Variants in CHD2 observed in about 807,000 individuals in gnomAD.
CHD2 encodes the protein chromodomain helicase DNA binding protein 2, also known as ATP-dependent chromatin remodeler CHD2.
CHD2 carries 28 observed loss-of-function variants against 243.9 expected under a neutral mutation model. The observed-to-expected ratio is 0.11, with a 90% CI of 0.09 to 0.16. CHD2 has a LOEUF of 0.16. CHD2 is among the 10% of genes least tolerant of loss of function. The pLI, the probability that CHD2 is intolerant of heterozygous loss-of-function variation, is 1.00. For synonymous variants in CHD2, 775 were observed against 779.0 expected (o/e 0.99, Z 0.09); for missense variants, 1,386 against 2,209.8 (o/e 0.63, Z 7.47).
chr15:92,928,950 T>C, intron 4 of CHD2, 80 bp from the exon 5 acceptor site: 1 of 1,341,690 alleles, frequency 7.5e-7, no homozygotes, highest in Non-Finnish European at 1.0e-6. Context: ...TTGAGTAGAC[T>C]GTTGATCCAG....
intron 3 of CHD2, among the ~76,000 whole-genome samples, chr15:92,927,034 G>T (rs1385542918): frequency 6.6e-6 from 1 of 152,028 alleles, no homozygotes; most frequent in Admixed American, 6.6e-5. Flanking sequence ...ATTTATAGCT[G>T]TTAAGTAATG....
intron 17 of CHD2, 48 bp downstream of exon 17, chr15:92,967,561 T>G (rs746767806): frequency 5.6e-6 from 8 of 1,434,632 alleles, no homozygotes; most frequent in Non-Finnish European, 6.7e-6. Flanking sequence ...ATCAGTACCA[T>G]GAAACTATTA....
intron 5 of CHD2, among the ~76,000 whole-genome samples, chr15:92,930,581 A>G (rs752012710): frequency 2.0e-5 from 3 of 152,032 alleles, no homozygotes; most frequent in Non-Finnish European, 2.9e-5. Context: ...GGCATGTGCT[A>G]TCATGCCCAG....
At chr15:92,985,803 G>C (rs1401809018) in intron 26 of CHD2, 130 bp downstream of exon 26, 26 of 841,914 alleles carry the variant, frequency 3.1e-5, no homozygotes, top group Non-Finnish European at 7.0e-6. Flanking sequence ...AGAGAAGCTG[G>C]GTCCTGTCCC....
At chr15:92,935,737 TC>T (rs1368896256) in intron 5 of CHD2, among the ~76,000 whole-genome samples, 1 of 152,164 alleles carries the variant, frequency 6.6e-6, no homozygotes, top group Non-Finnish European at 1.5e-5. Flanking sequence ...CACCTTATAT[TC>T]CTTGGATTCT....
intron 19 of CHD2, among the ~76,000 whole-genome samples, chr15:92,973,038 G>C (rs971888761): frequency 1.5e-4 from 23 of 152,302 alleles, no homozygotes; most frequent in African/African-American, 5.3e-4. Context: ...GCATGTGTAT[G>C]GTGAAAGTAG....
chr15:92,979,309 AG>A, intron 22 of CHD2, 26 bp downstream of exon 22: 1 of 1,609,698 alleles, frequency 6.2e-7, no homozygotes, highest in Non-Finnish European at 8.5e-7. Flanking sequence ...ATTGGGAGGT[AG>A]GCAGAATCAA....
chr15:92,937,591 A>C lies in CHD2; in HGVS notation c.517A>C (p.Lys173Gln), dbSNP rs751125152. ...GTSAESEPEQ[K>Q]KVKARRPVPR... The stretch of plus-strand genomic sequence containing the variant: ...CAGTGCAGAGAGTGAGCCAGAACAA[A>C]AAAAAGTAAAAGCCAGAAGACCTGT... Residue 173 changes from lysine (K) to glutamine (Q), a missense_variant, in exon 6 of 39, where the codon AAA becomes CAA. By Grantham distance (53) the Lys-to-Gln change is moderately conservative (BLOSUM62 1). Coordinates refer to ENST00000394196, the MANE Select transcript of CHD2 (RefSeq NM_001271.4). 19 of 1,613,880 alleles carry C rather than the reference A, an allele frequency of 1.2e-5. No individual in the cohort carries two copies. Among genetic ancestry groups the C allele is most frequent in the Non-Finnish European group, 1.6e-5 (19 of 1,179,866 alleles).
At chr15:93,018,885 T>C (rs2054495341) in intron 37 of CHD2, among the ~76,000 whole-genome samples, 1 of 152,234 alleles carries the variant, frequency 6.6e-6, no homozygotes, top group African/African-American at 2.4e-5. Flanking sequence ...GATTTTTAAC[T>C]TAATTACATC....
At chr15:93,020,506 G>A (rs2054521508) in intron 38 of CHD2, 2 of 603,440 alleles carry the variant, frequency 3.3e-6, no homozygotes, top group Admixed American at 3.0e-5. Flanking sequence ...CTAGTGAAGA[G>A]GTCGCCATAA....
At chr15:92,914,251 C>G (rs547556857) in intron 2 of CHD2, among the ~76,000 whole-genome samples, 1 of 152,158 alleles carries the variant, frequency 6.6e-6, no homozygotes, top group African/African-American at 2.4e-5. Context: ...GGGAGAACTC[C>G]CCTTGTAACT....
intron 28 of CHD2, 28 bp from the exon 29 acceptor site, chr15:92,996,929 T>C: frequency 6.3e-7 from 1 of 1,589,106 alleles, no homozygotes. Flanking sequence ...GATTTTCATT[T>C]AACTAATGTG....
intron 31 of CHD2, among the ~76,000 whole-genome samples, chr15:93,000,130 C>T (rs2054235210): frequency 6.6e-6 from 1 of 152,034 alleles, no homozygotes; most frequent in African/African-American, 2.4e-5. Flanking sequence ...GTGGTGGTGG[C>T]ATGTGCTTGT....
Position 92,984,365 on chromosome 15 carries a change from G to T in CHD2, c.3102G>T (p.Glu1034Asp). The T allele has an allele frequency of 6.2e-7, 1 of 1,602,546 alleles. No homozygotes were observed. Among genetic ancestry groups the T allele is most frequent in the East Asian group, 2.2e-5 (1 of 44,528 alleles). ...ANFATMEDEE[E>D]LEERPHKDWD... Reference sequence around the variant, plus strand: ...TTGCAACAATGGAAGATGAAGAAGAGCTAGAAGAGCGTCCTCACAAGGACT... The same window carrying T: ...TTGCAACAATGGAAGATGAAGAAGATCTAGAAGAGCGTCCTCACAAGGACT... The change falls in exon 25 of 39, where the codon GAG (glutamate) becomes GAT (aspartate). Residue 1034 changes from glutamate to aspartate, a missense_variant. Glu to Asp is a conservative substitution (Grantham distance 45). Around this residue, in one of 19 missense-constraint regions of CHD2, gnomAD observed 99 missense variants for 206.4 expected, o/e 0.48. Transcript: ENST00000394196.
In CHD2 at chr15:92,922,272, G is replaced by A. The variant is rs957292035; in HGVS notation, c.63-2049G>A. Among the ~76,000 whole-genome samples the A allele has an allele frequency of 5.3e-5, 8 of 152,004 alleles. No individual in the cohort carries two copies. The South Asian group carries it at 1.0e-3, about 20-fold the overall frequency. ...TACATAAAAGAGGTCAGTTTTTTTC[G>A]TCATTCATATGGTGATAATAATGCC... On this transcript the variant is annotated intron_variant, in intron 2 of 38. Coordinates refer to ENST00000394196, the MANE Select transcript of CHD2 (RefSeq NM_001271.4).
At chr15:92,935,066 C>T (rs1358670082) in intron 5 of CHD2, among the ~76,000 whole-genome samples, 2 of 142,822 alleles carry the variant, frequency 1.4e-5, no homozygotes, top group East Asian at 2.0e-4. Context: ...AACAGAGTCT[C>T]GCTTTGTCAC....
At chr15:92,919,858 A>T (rs2052921372) in intron 2 of CHD2, among the ~76,000 whole-genome samples, 1 of 152,234 alleles carries the variant, frequency 6.6e-6, no homozygotes, top group Non-Finnish European at 1.5e-5. Context: ...AGTGCTGTGA[A>T]TTCACTATTA....
At chr15:92,957,750 C>T (rs1013814551) in intron 16 of CHD2, among the ~76,000 whole-genome samples, 2 of 151,604 alleles carry the variant, frequency 1.3e-5, no homozygotes, top group Non-Finnish European at 1.5e-5. Flanking sequence ...TAGTTTGCAA[C>T]CATCATCATT....
chr15:92,999,935 C>G (rs768468223), intron 31 of CHD2, among the ~76,000 whole-genome samples: 2 of 151,938 alleles, frequency 1.3e-5, no homozygotes, highest in African/African-American at 4.8e-5. Flanking sequence ...AGGATGGATT[C>G]CAAAGATGTG....
Sources: allele counts gnomAD v4.1 joint callset (sites outside exome capture counted in the v4.1 genomes callset), GRCh38; gene constraint gnomAD v4.1.1; regional missense constraint gnomAD v4.1.1; transcripts MANE v1.5; gene names NCBI Gene and HGNC (gene_info 2026-07-23, HGNC 2026-07-21).